The following CAMK2D variants were observed in gnomAD, a reference collection of about 807,000 sequenced individuals.
CAMK2D encodes calcium/calmodulin-dependent protein kinase type II subunit delta.
CAMK2D carries 37 observed loss-of-function variants against 84.0 expected under a neutral mutation model. The observed-to-expected ratio is 0.44, with a 90% CI of 0.34 to 0.58. The LOEUF (loss-of-function observed/expected upper bound fraction) is 0.58, where lower values mean the gene tolerates loss of function less well. CAMK2D is among the 20% of genes least tolerant of loss of function. The pLI, the probability that CAMK2D is intolerant of heterozygous loss-of-function variation, is 0.02. For synonymous variants in CAMK2D, 202 were observed against 212.5 expected (o/e 0.95, Z 0.43); for missense variants, 448 against 652.5 (o/e 0.69, Z 3.41).
At chr4:113,494,495 G>A (rs1455335848) in intron 16 of CAMK2D, among the ~76,000 whole-genome samples, 4 of 152,200 alleles carry the variant, frequency 2.6e-5, no homozygotes, top group African/African-American at 7.2e-5. Flanking sequence ...CAGTCTGCCT[G>A]TTCTCAGATC....
intron 8 of CAMK2D, among the ~76,000 whole-genome samples, chr4:113,521,214 G>C (rs1242599948): frequency 6.6e-6 from 1 of 152,032 alleles, no homozygotes; most frequent in Admixed American, 6.6e-5. Flanking sequence ...ATCCCCCAAA[G>C]GTTAGGACTT....
chr4:113,558,361 A>T (rs948941325), intron 4 of CAMK2D, among the ~76,000 whole-genome samples: 1 of 152,128 alleles, frequency 6.6e-6, no homozygotes, highest in Non-Finnish European at 1.5e-5. Context: ...GTAATTTGCT[A>T]TCAATAATTT....
chr4:113,696,758 A>C (rs1367867235), intron 2 of CAMK2D, among the ~76,000 whole-genome samples: 1 of 152,142 alleles, frequency 6.6e-6, no homozygotes, highest in East Asian at 1.9e-4. Flanking sequence ...TCCAAAAGGC[A>C]GGCTTCTCTT....
chr4:113,749,265 C>A (rs114667716), intron 2 of CAMK2D, among the ~76,000 whole-genome samples: 1 of 145,680 alleles, frequency 6.9e-6, no homozygotes, highest in Non-Finnish European at 1.5e-5. Context: ...ACCCCGCCCC[C>A]CCCACCCAGT....
At chr4:113,552,724 G>A (rs540017925) in intron 4 of CAMK2D, among the ~76,000 whole-genome samples, 49 of 152,238 alleles carry the variant, frequency 3.2e-4, no homozygotes, top group African/African-American at 1.1e-3. Context: ...ACATACATGC[G>A]TGCACACACG....
chr4:113,728,748 T>C (rs1470502614), intron 2 of CAMK2D, among the ~76,000 whole-genome samples: 1 of 152,152 alleles, frequency 6.6e-6, no homozygotes, highest in African/African-American at 2.4e-5. Flanking sequence ...AGTCCCCTAG[T>C]TTTCTTATTT....
chr4:113,700,149 A>T (rs2099413685), intron 2 of CAMK2D, among the ~76,000 whole-genome samples: 1 of 152,200 alleles, frequency 6.6e-6, no homozygotes, highest in African/African-American at 2.4e-5. Flanking sequence ...CTTTTCAAAA[A>T]GGAACCAAAG....
chr4:113,577,692 C>G (rs1036339976), intron 4 of CAMK2D, among the ~76,000 whole-genome samples: 1 of 151,858 alleles, frequency 6.6e-6, no homozygotes, highest in Non-Finnish European at 1.5e-5. Flanking sequence ...TAATGTGACA[C>G]AACTGTGAGA....
At chr4:113,623,899 G>C (rs1407272630) in intron 3 of CAMK2D, among the ~76,000 whole-genome samples, 1 of 152,056 alleles carries the variant, frequency 6.6e-6, no homozygotes, top group Admixed American at 6.6e-5. Flanking sequence ...CCCTCAAGGA[G>C]CTTCTCATTG....
intron 16 of CAMK2D, among the ~76,000 whole-genome samples, chr4:113,474,862 GTCT>G (rs1214531346): frequency 3.9e-5 from 6 of 152,134 alleles, no homozygotes; most frequent in Admixed American, 2.0e-4. Flanking sequence ...GGCCATGCTG[GTCT>G]TGAACTCCTG....
chr4:113,692,679 C>T (rs112168676), intron 2 of CAMK2D, among the ~76,000 whole-genome samples: 6,466 of 150,122 alleles, frequency 0.043, 466 homozygotes, highest in African/African-American at 0.15. Context: ...TACATACATA[C>T]TCATACATAC....
intron 4 of CAMK2D, among the ~76,000 whole-genome samples, chr4:113,584,182 T>A (rs948326858): frequency 2.6e-5 from 4 of 152,160 alleles, no homozygotes; most frequent in Non-Finnish European, 2.9e-5. Context: ...AATTCTGGGA[T>A]CTCATGTTTT....
chr4:113,683,219 C>T (rs559164241), intron 2 of CAMK2D, among the ~76,000 whole-genome samples: 3 of 152,266 alleles, frequency 2.0e-5, no homozygotes, highest in African/African-American at 7.2e-5. Flanking sequence ...TTTCCCCACC[C>T]ACCTCCTATC....
At chr4:113,690,667 C>T (rs2099384584) in intron 2 of CAMK2D, among the ~76,000 whole-genome samples, 1 of 152,138 alleles carries the variant, frequency 6.6e-6, no homozygotes, top group South Asian at 2.1e-4. Flanking sequence ...GACTTCTCTC[C>T]CATTTAAAAA....
intron 2 of CAMK2D, among the ~76,000 whole-genome samples, chr4:113,735,540 A>AAAGTAT (rs1237902922): frequency 3.3e-5 from 5 of 152,116 alleles, no homozygotes; most frequent in African/African-American, 1.2e-4. Flanking sequence ...AGAGATCAAT[A>AAAGTAT]AAGTATATAT....
intron 4 of CAMK2D, among the ~76,000 whole-genome samples, chr4:113,571,254 T>C (rs1186651849): frequency 6.6e-6 from 1 of 152,086 alleles, no homozygotes; most frequent in Non-Finnish European, 1.5e-5. Flanking sequence ...ATTTAAAAAA[T>C]AGAACTACCA....
intron 16 of CAMK2D, among the ~76,000 whole-genome samples, chr4:113,481,560 AC>A (rs1458911291): frequency 6.6e-6 from 1 of 152,130 alleles, no homozygotes; most frequent in African/African-American, 2.4e-5. Flanking sequence ...GTTCACTGCA[AC>A]CTCTGCCTCC....
chr4:113,761,309 C>T lies in CAMK2D; in HGVS notation c.-241G>A, dbSNP rs2099640951. 7.1e-7 allele frequency: 1 copy of T among 1,417,504 alleles called. No homozygotes were observed. Among genetic ancestry groups the T allele is most frequent in the Non-Finnish European group, 9.2e-7 (1 of 1,088,930 alleles). The allele number at this position is 1,417,504 out of a possible 1,614,324, so 87.8% of individuals were successfully genotyped here. On this transcript the variant is annotated 5_prime_UTR_variant, in exon 1 of 21. Transcript: ENST00000511664. Reference sequence around the variant, plus strand: ...CCGATCCTCCTCCTCCTGCGGGCCTCGCTTCCTTCTTCTCCACTGGACGCT... The same window carrying T: ...CCGATCCTCCTCCTCCTGCGGGCCTTGCTTCCTTCTTCTCCACTGGACGCT...
At chr4:113,750,625 G>A (rs777945095) in intron 2 of CAMK2D, among the ~76,000 whole-genome samples, 2 of 152,122 alleles carry the variant, frequency 1.3e-5, no homozygotes, top group Non-Finnish European at 2.9e-5. Context: ...CCAGCAAAGC[G>A]AGTGCTAAAA....
Sources: gnomAD v4.1 joint callset for allele counts (sites outside exome capture counted in the v4.1 genomes callset) on GRCh38, gnomAD v4.1.1 for gene constraint, MANE v1.5 for transcripts, NCBI Gene and HGNC (gene_info 2026-07-23, HGNC 2026-07-21) for gene names.